Variants in MYEF2 observed in about 807,000 individuals in gnomAD.
The protein encoded by MYEF2 is myelin expression factor 2.
Under a neutral mutation model 75.2 loss-of-function variants are expected in MYEF2, and 37 were observed. That is an observed-to-expected ratio of 0.49 (90% CI 0.38 to 0.65). The LOEUF is 0.65. Ranked by LOEUF, MYEF2 falls within the 30% of genes least tolerant of loss-of-function variation. The pLI, the probability that MYEF2 is intolerant of heterozygous loss-of-function variation, is 0.00. For missense variants in MYEF2, 634 were observed against 771.4 expected (o/e 0.82, Z 2.11); for synonymous variants, 195 against 241.6 (o/e 0.81, Z 1.79).
At chr15:48,151,333 T>C in intron 13 of MYEF2, 140 bp downstream of exon 13, 1 of 1,008,894 alleles carries the variant, frequency 9.9e-7, no homozygotes, top group Non-Finnish European at 1.5e-6. Flanking sequence ...GCTAGCATAT[T>C]AAAATCCTTA....
chr15:48,145,544 G>T (rs1033870956), intron 16 of MYEF2, among the ~76,000 whole-genome samples: 2 of 151,800 alleles, frequency 1.3e-5, no homozygotes, highest in African/African-American at 4.8e-5. Flanking sequence ...ACATATTGCT[G>T]TTACATATAC....
intron 9 of MYEF2, chr15:48,157,757 T>A: frequency 8.2e-7 from 1 of 1,224,702 alleles, no homozygotes; most frequent in Non-Finnish European, 1.0e-6. Flanking sequence ...TTACCAAACA[T>A]TTTAGAATGT....
In MYEF2 at chr15:48,165,972, G is replaced by A. The variant is rs957837619; in HGVS notation, c.486C>T (p.Asn162=). ...EFVKKALETM[N]KYDLSGRPLN... ...GGGGTCTTCCACTAAGATCATATTT[G>A]TTCATAGTTTCTAGGGCTTTCTTTA... Residue 162 remains asparagine, a synonymous_variant, in exon 5 of 17, where the codon AAC becomes AAT. Transcript: ENST00000324324. 6.9e-6 allele frequency: 11 copies of A among 1,594,328 alleles called. No homozygotes were observed. Among genetic ancestry groups the A allele is most frequent in the Non-Finnish European group, 7.7e-6 (9 of 1,168,414 alleles).
chr15:48,148,820 T>G lies in MYEF2; in HGVS notation c.1639+212A>C, dbSNP rs78891715. Among the ~76,000 whole-genome samples the G allele has an allele frequency of 5.9e-3, 892 of 152,152 alleles. 6 individuals carry two copies. Among genetic ancestry groups the G allele is most frequent in the Non-Finnish European group, 9.6e-3 (652 of 67,948 alleles). ...TATCCTAAACCTTGTTACCTAAACC[T>G]TGTTATTACCTAGTAGTAATAGCAC... On this transcript the variant is annotated intron_variant, in intron 16 of 16. Coordinates refer to ENST00000324324, the MANE Select transcript of MYEF2 (RefSeq NM_016132.5).
At position 48,140,863 on chromosome 15, in the gene MYEF2, C is replaced by T. The variant is rs2039053369; in HGVS notation, c.*2045G>A. On this transcript the variant is annotated 3_prime_UTR_variant, in exon 17 of 17. Transcript: ENST00000324324. ...AAGAATATCAAACAGGAAAATTTCTCACTGGCAGAATTTTAGCTGTTACGT... is the reference window on the plus strand; with the variant it reads ...AAGAATATCAAACAGGAAAATTTCTTACTGGCAGAATTTTAGCTGTTACGT... The T allele has an allele frequency of 2.9e-6, 1 of 350,554 alleles. No individual in the cohort carries two copies. Among genetic ancestry groups the T allele is most frequent in the African/African-American group, 2.1e-5 (1 of 47,546 alleles). The allele number at this position is 350,554 out of a possible 1,614,324, so 21.7% of individuals were successfully genotyped here.
Position 48,142,898 on chromosome 15 carries a change from T to C in MYEF2, c.*10A>G, listed in dbSNP as rs1567236751. 6 of 1,586,990 alleles carry C rather than the reference T, an allele frequency of 3.8e-6. No homozygotes were observed. Among genetic ancestry groups the C allele is most frequent in the Non-Finnish European group, 4.3e-6 (5 of 1,168,908 alleles). On this transcript the variant is annotated 3_prime_UTR_variant, in exon 17 of 17. Transcript: ENST00000324324. ...AACAGATGTAGGAATGTTCCAACCA[T>C]GGCTTGAAATTATGCATTACGATCC...
At chr15:48,154,565 A>G (rs1047613337) in intron 9 of MYEF2, among the ~76,000 whole-genome samples, 2 of 152,322 alleles carry the variant, frequency 1.3e-5, no homozygotes, top group African/African-American at 4.8e-5. Flanking sequence ...GGACGATTCA[A>G]CAAATAGCTG....
In MYEF2 at chr15:48,178,157, G is replaced by A. The variant is rs1198756034; in HGVS notation, c.81C>T (p.Gly27=). ...SPHLQPAEPP[G]EPRREPHPAE... ...CGGGGTGCGGCTCTCGCCGCGGCTC[G>A]CCCGGCGGCTCTGCGGGCTGCAGGT... The change falls in exon 1 of 17, where the codon GGC becomes GGT. Residue 27 remains glycine (G), a synonymous_variant. Coordinates refer to ENST00000324324, the MANE Select transcript of MYEF2 (RefSeq NM_016132.5). The A allele has an allele frequency of 1.9e-6, 3 of 1,561,520 alleles. No homozygotes were observed. In the East Asian group the frequency reaches 7.3e-5, roughly 38 times the overall value.
intron 16 of MYEF2, among the ~76,000 whole-genome samples, chr15:48,145,393 A>G (rs1225815226): frequency 6.6e-6 from 1 of 151,916 alleles, no homozygotes; most frequent in Non-Finnish European, 1.5e-5. Context: ...GACTTTTTAC[A>G]TGCTCTGAGA....
chr15:48,160,834 T>G (rs1453478714), intron 5 of MYEF2, among the ~76,000 whole-genome samples: 1 of 151,730 alleles, frequency 6.6e-6, no homozygotes, highest in East Asian at 1.9e-4. Context: ...CATTCTGGCT[T>G]GCAACATATT....
chr15:48,161,610 A>T (rs1035615374), intron 5 of MYEF2, among the ~76,000 whole-genome samples: 6 of 151,620 alleles, frequency 4.0e-5, no homozygotes, highest in Admixed American at 1.3e-4. Context: ...GGTCTCTGAA[A>T]TATTACTGAG....
Position 48,135,214 on chromosome 15 carries a change from T to C in MYEF2, c.*7694A>G, listed in dbSNP as rs538443243. The C allele has an allele frequency of 5.6e-6, 2 of 354,436 alleles. No homozygotes were observed. Among genetic ancestry groups the C allele is most frequent in the East Asian group, 4.7e-5 (1 of 21,126 alleles). The allele number at this position is 354,436 out of a possible 1,614,324, so 22.0% of individuals were successfully genotyped here. A position where few individuals can be genotyped will look rare whatever the true frequency, so the allele number is the denominator to read the frequency against. On this transcript the variant is annotated 3_prime_UTR_variant, in exon 17 of 17. Coordinates refer to ENST00000324324, the MANE Select transcript of MYEF2 (RefSeq NM_016132.5). ...TCTCCTTTTTTCTCTCACTAGTCAC[T>C]GGAGACCACCACTTTTCCTTCTCCC...
intron 16 of MYEF2, among the ~76,000 whole-genome samples, chr15:48,144,845 G>C (rs1300133342): frequency 6.6e-6 from 1 of 151,654 alleles, no homozygotes; most frequent in Admixed American, 6.6e-5. Context: ...TAAGGTTAAA[G>C]GTTCTTCCTT....
chr15:48,176,203 C>T (rs2040510085), intron 1 of MYEF2, among the ~76,000 whole-genome samples: 1 of 146,566 alleles, frequency 6.8e-6, no homozygotes, highest in African/African-American at 2.6e-5. Flanking sequence ...TTATCCACTC[C>T]TACTAGTTCA....
At position 48,149,281 on chromosome 15, in the gene MYEF2, C is replaced by T; in HGVS notation, c.1469G>A (p.Gly490Asp). 1 of 1,613,328 alleles carries T rather than the reference C, an allele frequency of 6.2e-7. No individual in the cohort carries two copies. Residue 490 changes from glycine (G) to aspartate (D), a missense_variant, in exon 15 of 17, where the codon GGT becomes GAT. Gly to Asp is a moderately conservative substitution (Grantham distance 94, BLOSUM62 -1). Coordinates refer to ENST00000324324, the MANE Select transcript of MYEF2 (RefSeq NM_016132.5). The surrounding 1 kb of genome is among the most constrained non-coding windows in gnomAD (Gnocchi z 4.0). ...MSSSFDRMGP[G>D]IGAILERSID... is the part of the protein sequence containing the mutation. ...GCTCCTTTCCAGTATAGCTCCTATA[C>T]CTGGTCCCATTCTATCAAAGCTGGA...
In MYEF2 at chr15:48,168,311, AT is replaced by A. The variant is rs1349935846; in HGVS notation, c.370+319del. ...TATTCATTCTTAACACGCTAAATGTATTGCTTAACTAATGCAATAGCCCTTT... is the reference window on the plus strand; with the variant it reads ...TATTCATTCTTAACACGCTAAATGTATGCTTAACTAATGCAATAGCCCTTT... On this transcript the variant is annotated intron_variant, in intron 2 of 16. Coordinates refer to ENST00000324324, the MANE Select transcript of MYEF2 (RefSeq NM_016132.5). 2.6e-5 allele frequency among the ~76,000 whole-genome samples: 4 copies of A among 152,116 alleles called. No individual in the cohort carries two copies. In the East Asian group the frequency reaches 7.7e-4, roughly 29 times the overall value.
At position 48,158,223 on chromosome 15, in the gene MYEF2, A is replaced by T; in HGVS notation, c.873T>A (p.Ser291=). The T allele has an allele frequency of 1.2e-6, 2 of 1,612,912 alleles. No homozygotes were observed. Among genetic ancestry groups the T allele is most frequent in the Non-Finnish European group, 1.7e-6 (2 of 1,179,272 alleles). The change falls in exon 8 of 17, where the codon TCT becomes TCA. Residue 291 remains serine (S), a splice_region_variant and synonymous_variant. Coordinates refer to ENST00000324324, the MANE Select transcript of MYEF2 (RefSeq NM_016132.5). ...CAAATAAAAACTGCCCATTGAACAT[A>T]GCTGTTGGTTCAGTCAAGGAAAGTC... The part of the protein sequence containing the change: ...EQAIEAVQAI[S]MFNGQFLFDR...
At chr15:48,169,828 C>G (rs1039795227) in intron 1 of MYEF2, 2 of 152,134 alleles carry the variant, frequency 1.3e-5, no homozygotes, top group African/African-American at 4.8e-5. Flanking sequence ...GAACTCCTGA[C>G]CTCGTGATCC....
At chr15:48,172,120 C>T (rs918776179) in intron 1 of MYEF2, among the ~76,000 whole-genome samples, 2 of 152,158 alleles carry the variant, frequency 1.3e-5, no homozygotes, top group African/African-American at 4.8e-5. Context: ...GACCTCCAGG[C>T]CAGGTGCAGT....
Sources: allele counts gnomAD v4.1 joint callset (sites outside exome capture counted in the v4.1 genomes callset), GRCh38; gene constraint gnomAD v4.1.1; non-coding constraint Gnocchi (gnomAD v3.1); transcripts MANE v1.5; gene names NCBI Gene and HGNC (gene_info 2026-07-23, HGNC 2026-07-21).